Variants in SETX observed in about 807,000 individuals in gnomAD.
The protein encoded by SETX is senataxin.
SETX carries 90 observed loss-of-function variants against 227.2 expected under a neutral mutation model. The ratio of observed to expected loss-of-function variants is 0.40; its 90% CI spans 0.33 to 0.47. The LOEUF (loss-of-function observed/expected upper bound fraction) is 0.47, where lower values mean the gene tolerates loss of function less well. Among genes scored for constraint, SETX ranks in the 20% least tolerant of loss-of-function variants. SETX has a pLI of 0.91. For missense variants in SETX, 3,052 were observed against 3,181.5 expected, an observed-to-expected ratio of 0.96 and a Z score of 0.98; for synonymous variants, 1,210 against 1,113.2, an observed-to-expected ratio of 1.09 and a Z score of -1.73.
chr9:132,324,351 G>A (rs1021048191), intron 10 of SETX, among the ~76,000 whole-genome samples: 4 of 152,154 alleles, frequency 2.6e-5, no homozygotes, highest in Non-Finnish European at 4.4e-5. Context: ...ATGAAGATAC[G>A]TTCACTCAAG....
At chr9:132,351,836 T>C (rs1179831619) in intron 2 of SETX, among the ~76,000 whole-genome samples, 1 of 152,220 alleles carries the variant, frequency 6.6e-6, no homozygotes, top group African/African-American at 2.4e-5. Context: ...TTGCAATCAT[T>C]AGTGAATGAC....
In SETX at chr9:132,331,457, C is replaced by T; in HGVS notation, c.839-9G>A. 1 of 1,613,364 alleles carries T rather than the reference C, an allele frequency of 6.2e-7. No individual in the cohort carries two copies. Among genetic ancestry groups the T allele is most frequent in the East Asian group, 2.2e-5 (1 of 44,856 alleles). ...AGGATCCACACTATCATCTGAAATA[C>T]AATGGCACAATCGTTGAATTACTAA... is the stretch of plus-strand genomic sequence containing the variant. On this transcript the variant is annotated splice_polypyrimidine_tract_variant and intron_variant, in intron 7 of 25. Transcript: ENST00000224140.
chr9:132,312,020 T>C (rs755274117), intron 10 of SETX, among the ~76,000 whole-genome samples, 164 bp from the exon 11 acceptor site: 1 of 152,196 alleles, frequency 6.6e-6, no homozygotes, highest in Non-Finnish European at 1.5e-5. Flanking sequence ...TCTGGAACTG[T>C]CCTGCCCAAT....
intron 7 of SETX, among the ~76,000 whole-genome samples, chr9:132,332,454 G>A (rs1212504589): frequency 6.6e-6 from 1 of 152,176 alleles, no homozygotes; most frequent in Non-Finnish European, 1.5e-5. Context: ...CCTAGAACTT[G>A]TGACTTTACT....
rs532919783 is a variant in SETX, at chr9:132,264,186, T to C, written c.*53A>G. On this transcript the variant is annotated 3_prime_UTR_variant, in exon 26 of 26. Transcript: ENST00000224140. ...TTATCTAGATGGTCCCACGAGCTGG[T>C]CATCTTCAGTTTACAATATGCTGTG... 26 of 1,611,246 alleles carry C rather than the reference T, an allele frequency of 1.6e-5. No individual in the cohort carries two copies. In the East Asian group the frequency reaches 4.9e-4, roughly 30 times the overall value.
intron 11 of SETX, 57 bp from the exon 12 acceptor site, chr9:132,300,860 A>C: frequency 6.8e-7 from 1 of 1,461,402 alleles, no homozygotes; most frequent in South Asian, 1.3e-5. Context: ...ATTTTAAATA[A>C]GATTAACTTA....
Position 132,264,550 on chromosome 9 carries a change from G to A in SETX, c.7723C>T (p.Pro2575Ser). The A allele has an allele frequency of 6.2e-7, 1 of 1,613,992 alleles. No individual in the cohort carries two copies. The highest frequency in any genetic ancestry group is 8.5e-7 in the Non-Finnish European group (1 of 1,179,994). Residue 2575 changes from proline to serine, a missense_variant, in exon 26 of 26, where the codon CCG becomes TCG. Transcript: ENST00000224140. The stretch of plus-strand genomic sequence containing the variant: ...TCCTGGTGAACGACAGGGAAGCCCG[G>A]CTCGCCCGTAGGAGGTGTTGCTCCA... ...HPGATPPTGEPGFPVVHQDLS... is the reference protein window; with the variant it reads ...HPGATPPTGESGFPVVHQDLS...
At chr9:132,340,438 G>A (rs898999829) in intron 5 of SETX, among the ~76,000 whole-genome samples, 17 of 152,168 alleles carry the variant, frequency 1.1e-4, no homozygotes, top group Admixed American at 1.1e-3. Context: ...TTTTCACTCT[G>A]GGGTACTGGC....
intron 17 of SETX, 29 bp downstream of exon 17, chr9:132,288,207 G>C (rs1187188620): frequency 3.2e-6 from 5 of 1,566,430 alleles, no homozygotes. Flanking sequence ...TCGTATACCT[G>C]AGTTATTATT....
intron 10 of SETX, among the ~76,000 whole-genome samples, chr9:132,316,796 C>T (rs1845997034): frequency 6.6e-6 from 1 of 152,190 alleles, no homozygotes; most frequent in Non-Finnish European, 1.5e-5. Flanking sequence ...CCGCCTGCCC[C>T]GTGCCACTCT....
At chr9:132,302,356 C>CAAAAAAAAAAAAAAAAAAAAAAAAAA (rs35649212) in intron 11 of SETX, among the ~76,000 whole-genome samples, 1 of 27,802 alleles carries the variant, frequency 3.6e-5, no homozygotes, top group African/African-American at 1.5e-4. Context: ...GAATCCATCT[C>CAAAAAAAAAAAAAAAAAAAAAAAAAA]AAAAAAAAAA....
chr9:132,300,853 T>TCTTCCAGA, intron 11 of SETX, 50 bp from the exon 12 acceptor site: 1 of 1,480,858 alleles, frequency 6.8e-7, no homozygotes, highest in Non-Finnish European at 9.1e-7. Flanking sequence ...TAGAATTATT[T>TCTTCCAGA]TAAATAAGAT....
At chr9:132,314,292 A>C (rs1299575750) in intron 10 of SETX, among the ~76,000 whole-genome samples, 1 of 152,020 alleles carries the variant, frequency 6.6e-6, no homozygotes, top group African/African-American at 2.4e-5. Flanking sequence ...GAGTTTCTCC[A>C]TGGTCAGGCT....
chr9:132,350,034 G>C (rs1848520832), intron 2 of SETX, among the ~76,000 whole-genome samples: 1 of 152,170 alleles, frequency 6.6e-6, no homozygotes, highest in South Asian at 2.1e-4. Flanking sequence ...TCTCCACTCA[G>C]GGAGAAAGGT....
chr9:132,277,868 T>C (rs1414406636), intron 21 of SETX, among the ~76,000 whole-genome samples: 1 of 151,214 alleles, frequency 6.6e-6, no homozygotes, highest in Non-Finnish European at 1.5e-5. Flanking sequence ...CTGGGTAGTA[T>C]AAATATAGGT....
chr9:132,352,133 T>C (rs1359351808), intron 2 of SETX, among the ~76,000 whole-genome samples: 1 of 152,226 alleles, frequency 6.6e-6, no homozygotes, highest in Non-Finnish European at 1.5e-5. Flanking sequence ...CTCTGGCTTC[T>C]ACCCTTACAC....
chr9:132,345,651 C>T (rs1263242685), intron 4 of SETX, among the ~76,000 whole-genome samples: 4 of 152,188 alleles, frequency 2.6e-5, no homozygotes, highest in South Asian at 4.1e-4. Flanking sequence ...TGTTAACAAC[C>T]GTATAAACTA....
chr9:132,348,535 T>A (rs535322254), intron 3 of SETX, among the ~76,000 whole-genome samples: 2 of 152,222 alleles, frequency 1.3e-5, no homozygotes, highest in Admixed American at 1.3e-4. Context: ...AAGCAACAGA[T>A]CATAAAATTC....
intron 11 of SETX, among the ~76,000 whole-genome samples, chr9:132,309,849 G>A (rs1424213551): frequency 6.6e-6 from 1 of 152,136 alleles, no homozygotes; most frequent in African/African-American, 2.4e-5. Flanking sequence ...GAAGGCAAGA[G>A]AATGTAATTT....
Sources: gnomAD v4.1 joint callset for allele counts (sites outside exome capture counted in the v4.1 genomes callset) on GRCh38, gnomAD v4.1.1 for gene constraint, MANE v1.5 for transcripts, NCBI Gene and HGNC (gene_info 2026-07-23, HGNC 2026-07-21) for gene names.